The following ARL6IP6 variants were observed in gnomAD, a reference collection of about 807,000 sequenced individuals.
ARL6IP6 encodes the protein ADP-ribosylation factor-like protein 6-interacting protein 6.
In ARL6IP6, 22 loss-of-function variants were observed where a neutral mutation model predicts 21.5. The observed-to-expected ratio is 1.02, with a 90% confidence interval of 0.73 to 1.46. The LOEUF (loss-of-function observed/expected upper bound fraction) is 1.46, where lower values mean the gene tolerates loss of function less well. Ranked by LOEUF, ARL6IP6 falls within the 40% of genes most tolerant of loss-of-function variation. The pLI, the probability that ARL6IP6 is intolerant of heterozygous loss-of-function variation, is 0.00. For synonymous variants in ARL6IP6, 164 were observed against 125.3 expected, an observed-to-expected ratio of 1.31 and a Z score of -2.06; for missense variants, 388 against 299.8, an observed-to-expected ratio of 1.29 and a Z score of -2.17.
At chr2:152,745,915 AT>A (rs1451494694) in intron 3 of ARL6IP6, among the ~76,000 whole-genome samples, 1 of 151,302 alleles carries the variant, frequency 6.6e-6, no homozygotes, top group Admixed American at 6.6e-5. Context: ...ATGCATAGAT[AT>A]AACAAAATCC....
intron 3 of ARL6IP6, among the ~76,000 whole-genome samples, chr2:152,759,104 GATAAAGGAAAC>G (rs1701715885): frequency 6.6e-6 from 1 of 152,100 alleles, no homozygotes; most frequent in Non-Finnish European, 1.5e-5. Context: ...ATTGTTACAA[GATAAAGGAAAC>G]AAATGTCAGG....
chr2:152,720,815 G>A (rs888970143), intron 2 of ARL6IP6, among the ~76,000 whole-genome samples: 1 of 152,164 alleles, frequency 6.6e-6, no homozygotes, highest in African/African-American at 2.4e-5. Flanking sequence ...ATGGGGCCAG[G>A]TGCAGTGGCT....
intron 3 of ARL6IP6, among the ~76,000 whole-genome samples, chr2:152,743,579 A>G (rs1289664580): frequency 2.0e-5 from 3 of 152,176 alleles, no homozygotes; most frequent in Non-Finnish European, 2.9e-5. Flanking sequence ...GCATGTAATG[A>G]TTTCCGTAGC....
At chr2:152,721,837 G>T (rs1245947393) in intron 2 of ARL6IP6, among the ~76,000 whole-genome samples, 1 of 152,212 alleles carries the variant, frequency 6.6e-6, no homozygotes, top group East Asian at 1.9e-4. Flanking sequence ...AAAGAAGTTG[G>T]TTTCTTAGAT....
chr2:152,747,003 T>C (rs1214444350), intron 3 of ARL6IP6, among the ~76,000 whole-genome samples: 1 of 151,882 alleles, frequency 6.6e-6, no homozygotes, highest in Non-Finnish European at 1.5e-5. Flanking sequence ...ATTTTTTATT[T>C]TTATTTTGTA....
intron 3 of ARL6IP6, among the ~76,000 whole-genome samples, chr2:152,757,162 T>C (rs1462213050): frequency 1.3e-5 from 2 of 152,216 alleles, no homozygotes; most frequent in East Asian, 1.9e-4. Context: ...CATGTAGATG[T>C]AGTTTCAAGA....
intron 3 of ARL6IP6, among the ~76,000 whole-genome samples, chr2:152,755,223 C>T (rs115683327): frequency 0.021 from 3,239 of 152,268 alleles, 54 homozygotes; most frequent in Non-Finnish European, 0.032. Context: ...CGAAGACACG[C>T]GTTGCCAAGC....
At chr2:152,757,698 C>G (rs1701652137) in intron 3 of ARL6IP6, among the ~76,000 whole-genome samples, 2 of 152,152 alleles carry the variant, frequency 1.3e-5, no homozygotes, top group Non-Finnish European at 2.9e-5. Flanking sequence ...AGTGATTCTT[C>G]AAAGATTTAA....
chr2:152,717,914 C>T (rs1699239716), upstream of ARL6IP6: 2 of 998,160 alleles, frequency 2.0e-6, no homozygotes, highest in African/African-American at 1.7e-5. Context: ...TGCGCGCGCG[C>T]GGTGCTCGAG....
intron 3 of ARL6IP6, among the ~76,000 whole-genome samples, chr2:152,747,680 A>G (rs561538874): frequency 5.3e-5 from 8 of 151,884 alleles, no homozygotes; most frequent in African/African-American, 7.3e-5. Flanking sequence ...GGTTCAAGCA[A>G]TTCTCCTGCC....
intron 3 of ARL6IP6, among the ~76,000 whole-genome samples, chr2:152,753,641 C>G (rs1701439806): frequency 6.6e-6 from 1 of 151,312 alleles, no homozygotes; most frequent in African/African-American, 2.4e-5. Context: ...GAAATTGACA[C>G]CTTTACAATG....
intron 2 of ARL6IP6, among the ~76,000 whole-genome samples, chr2:152,724,982 A>G (rs1699971506): frequency 6.6e-6 from 1 of 152,144 alleles, no homozygotes; most frequent in Admixed American, 6.5e-5. Context: ...TATCTACTGA[A>G]TCGAAGTAAC....
intron 2 of ARL6IP6, among the ~76,000 whole-genome samples, chr2:152,734,769 A>G (rs1700477150): frequency 6.6e-6 from 1 of 152,226 alleles, no homozygotes; most frequent in African/African-American, 2.4e-5. Context: ...CCCACGTATT[A>G]TCATTTAATT....
chr2:152,733,470 C>T (rs567755913), intron 2 of ARL6IP6, among the ~76,000 whole-genome samples: 1 of 152,232 alleles, frequency 6.6e-6, no homozygotes, highest in South Asian at 2.1e-4. Flanking sequence ...ACCGTGTTGG[C>T]CAGATTGGTC....
intron 3 of ARL6IP6, among the ~76,000 whole-genome samples, chr2:152,752,756 G>A (rs1054942418): frequency 2.0e-5 from 3 of 152,186 alleles, no homozygotes; most frequent in South Asian, 2.1e-4. Context: ...TAGTGGAAGC[G>A]AGAAGGTTGT....
At chr2:152,726,374 A>G (rs973687395) in intron 2 of ARL6IP6, among the ~76,000 whole-genome samples, 2 of 151,912 alleles carry the variant, frequency 1.3e-5, no homozygotes, top group Non-Finnish European at 2.9e-5. Flanking sequence ...CTCTGCACCC[A>G]CTATGCTCAT....
intron 2 of ARL6IP6, among the ~76,000 whole-genome samples, chr2:152,724,545 A>G (rs780546372): frequency 3.5e-4 from 53 of 152,348 alleles, no homozygotes; most frequent in South Asian, 8.3e-4. Flanking sequence ...TTAGTCATGA[A>G]ATTATTACAG....
chr2:152,742,570 T>TAAAAAAAA (rs71396304), intron 3 of ARL6IP6, among the ~76,000 whole-genome samples: 1 of 115,994 alleles, frequency 8.6e-6, no homozygotes, highest in Non-Finnish European at 1.8e-5. Context: ...ATACGCTCTT[T>TAAAAAAAA]AAAAAAAAAA....
intron 2 of ARL6IP6, among the ~76,000 whole-genome samples, chr2:152,725,231 A>C (rs1699985110): frequency 6.6e-6 from 1 of 152,138 alleles, no homozygotes; most frequent in Non-Finnish European, 1.5e-5. Flanking sequence ...ACGTTTTGGG[A>C]TTTTAGTGGT....
Sources: allele counts gnomAD v4.1 joint callset (sites outside exome capture counted in the v4.1 genomes callset), GRCh38; gene constraint gnomAD v4.1.1; transcripts MANE v1.5; gene names NCBI Gene and HGNC (gene_info 2026-07-23, HGNC 2026-07-21).